The following ACIN1 variants were observed in gnomAD, a reference collection of about 807,000 sequenced individuals.
The protein encoded by ACIN1 is apoptotic chromatin condensation inducer in the nucleus.
A neutral mutation model predicts 146.6 loss-of-function variants in ACIN1; 16 were observed. The observed-to-expected ratio is 0.11, with a 90% CI of 0.07 to 0.17. The LOEUF (loss-of-function observed/expected upper bound fraction) is 0.17. ACIN1 is among the 10% of genes least tolerant of loss of function. ACIN1 has a pLI of 1.00. For synonymous variants in ACIN1, 569 were observed against 582.7 expected (o/e 0.98, Z 0.34); for missense variants, 1,357 against 1,609.3 (o/e 0.84, Z 2.68).
rs568105371 is a variant in ACIN1, at chr14:23,085,191, C to T, written c.437-3355G>A. Among the ~76,000 whole-genome samples, 12 of 151,906 alleles carry T rather than the reference C, an allele frequency of 7.9e-5. No individual in the cohort carries two copies. In the South Asian group the frequency reaches 8.3e-4, roughly 11 times the overall value. Reference sequence around the variant, plus strand: ...TAAAAATACAAAAAAAAAAATTAGTCGGGTGTGGGGGCGGGTGCCTGCAGT... The same window carrying T: ...TAAAAATACAAAAAAAAAAATTAGTTGGGTGTGGGGGCGGGTGCCTGCAGT... On this transcript the variant is annotated intron_variant, in intron 4 of 18. Coordinates refer to ENST00000605057, the MANE Select transcript of ACIN1 (RefSeq NM_001386863.1).
chr14:23,063,628 T>A (rs1456684154), intron 12 of ACIN1, 51 bp from the exon 13 acceptor site: 2 of 1,608,472 alleles, frequency 1.2e-6, no homozygotes, highest in Admixed American at 3.4e-5. Context: ...CAAACTGGCA[T>A]ATTCTTTTCA....
In ACIN1 at chr14:23,078,286, A is replaced by G. The variant is rs772195507; in HGVS notation, c.2008-20T>C. On this transcript the variant is annotated intron_variant, in intron 7 of 18. Coordinates refer to ENST00000605057, the MANE Select transcript of ACIN1 (RefSeq NM_001386863.1). ...GCTCCCCTGTCAGGAGATAGCAAAA[A>G]CGAACAGAGCAAAACATTTAGATCT... 4 of 1,608,736 alleles carry G rather than the reference A, an allele frequency of 2.5e-6. No individual in the cohort carries two copies. The highest frequency in any genetic ancestry group is 3.4e-6 in the Non-Finnish European group (4 of 1,175,362).
In ACIN1 at chr14:23,080,669, T is replaced by TTCC. The variant is rs3841035; in HGVS notation, c.663_665dup (p.Glu223dup). 222 of 1,613,432 alleles carry TTCC rather than the reference T, an allele frequency of 1.4e-4. No individual in the cohort carries two copies. The highest frequency in any genetic ancestry group is 6.6e-4 in the Middle Eastern group (4 of 6,084). ...CACCTTCCTCTTCTTCATCATCTTC[T>TTCC]TCCTCCTCCTCCTCCTCCTCTTCTT... On this transcript the variant is annotated inframe_insertion, in exon 6 of 19. Transcript: ENST00000605057.
intron 2 of ACIN1, among the ~76,000 whole-genome samples, chr14:23,091,313 C>G (rs2048220021): frequency 6.6e-6 from 1 of 152,014 alleles, no homozygotes; most frequent in African/African-American, 2.4e-5. Flanking sequence ...TTGGTAGTAT[C>G]AAGACTGAAA....
At chr14:23,065,476 C>T (rs936522047) in intron 10 of ACIN1, among the ~76,000 whole-genome samples, 2 of 152,168 alleles carry the variant, frequency 1.3e-5, no homozygotes, top group African/African-American at 4.8e-5. Context: ...ATCCCAGCTA[C>T]TCAGGAGGCG....
intron 8 of ACIN1, among the ~76,000 whole-genome samples, chr14:23,075,626 T>G (rs1256265248): frequency 6.6e-6 from 1 of 151,358 alleles, no homozygotes. Flanking sequence ...TTTTAACACT[T>G]TACTGCTCTG....
At chr14:23,086,736 T>C (rs1369197829) in intron 4 of ACIN1, among the ~76,000 whole-genome samples, 1 of 152,170 alleles carries the variant, frequency 6.6e-6, no homozygotes, top group Non-Finnish European at 1.5e-5. Context: ...CAGCCTCCCA[T>C]AGTGCTAGGA....
chr14:23,079,887 C>G lies in ACIN1; in HGVS notation c.1448G>C (p.Gly483Ala), dbSNP rs1430486136. Reference sequence around the variant, plus strand: ...CTGTTTCAGACATTCTTCAGTGATTCCTTTGGCCAGTGCTAATTCCTCAAT... The same window carrying G: ...CTGTTTCAGACATTCTTCAGTGATTGCTTTGGCCAGTGCTAATTCCTCAAT... ...LKIEELALAK[G>A]ITEECLKQPS... The change falls in exon 6 of 19, where the codon GGA (glycine) becomes GCA (alanine). Residue 483 changes from glycine to alanine, a missense_variant. By Grantham distance (60) the Gly-to-Ala change is moderately conservative (BLOSUM62 0). Coordinates refer to ENST00000605057, the MANE Select transcript of ACIN1 (RefSeq NM_001386863.1). The G allele has an allele frequency of 6.2e-7, 1 of 1,614,180 alleles. No homozygotes were observed. The highest frequency in any genetic ancestry group is 1.7e-5 in the Admixed American group (1 of 60,018).
intron 10 of ACIN1, among the ~76,000 whole-genome samples, chr14:23,065,676 T>A (rs1185460834): frequency 3.9e-5 from 6 of 152,218 alleles, no homozygotes; most frequent in Non-Finnish European, 8.8e-5. Flanking sequence ...TTGTTGAGTA[T>A]TCAGGTATCT....
intron 2 of ACIN1, among the ~76,000 whole-genome samples, chr14:23,091,710 G>A (rs901547834): frequency 1.7e-4 from 26 of 148,678 alleles, no homozygotes; most frequent in African/African-American, 6.2e-4. Context: ...TGCAACCTCC[G>A]CCTCCTGGGT....
At chr14:23,065,019 T>C (rs2047408082) in intron 10 of ACIN1, among the ~76,000 whole-genome samples, 1 of 152,130 alleles carries the variant, frequency 6.6e-6, no homozygotes, top group South Asian at 2.1e-4. Flanking sequence ...AAACTTTTAA[T>C]GGTAGACAGT....
intron 2 of ACIN1, among the ~76,000 whole-genome samples, chr14:23,093,180 T>C (rs1054735635): frequency 3.9e-5 from 6 of 152,246 alleles, no homozygotes; most frequent in South Asian, 2.1e-4. Flanking sequence ...CCTAAATTCA[T>C]GGCAGATAAA....
intron 8 of ACIN1, among the ~76,000 whole-genome samples, chr14:23,072,978 A>G (rs1421200915): frequency 6.6e-6 from 1 of 152,204 alleles, no homozygotes; most frequent in East Asian, 1.9e-4. Flanking sequence ...AGTGTAGTTA[A>G]GTGTTAGCTC....
intron 4 of ACIN1, among the ~76,000 whole-genome samples, chr14:23,082,967 G>C (rs976302293): frequency 7.9e-5 from 12 of 151,424 alleles, no homozygotes; most frequent in African/African-American, 2.7e-4. Context: ...TCGAACTCCT[G>C]GGCTCAAGCA....
At position 23,089,986 on chromosome 14, in the gene ACIN1, C is replaced by T. The variant is rs114987044; in HGVS notation, c.432G>A (p.Ser144=). Residue 144 remains serine, a synonymous_variant, in exon 4 of 19, where the codon TCG becomes TCA. Coordinates refer to ENST00000605057, the MANE Select transcript of ACIN1 (RefSeq NM_001386863.1). The part of the protein sequence containing the change: ...ERPELELSRH[S]PRKSSSISEE... ...AGTGGGGAGGGAGATACGTACTGGG[C>T]GAATGTCTGCTGAGCTCCAGCTCTG... is the stretch of plus-strand genomic sequence containing the variant. The T allele has an allele frequency of 1.4e-5, 23 of 1,610,508 alleles. No homozygotes were observed. Among genetic ancestry groups the T allele is most frequent in the South Asian group, 1.2e-4 (11 of 90,592 alleles).
chr14:23,080,323 G>C lies in ACIN1; in HGVS notation c.1012C>G (p.Arg338Gly), dbSNP rs2140158712. Reference sequence around the variant, plus strand: ...AGCGCTACAAGTGAGGCCTTCTTTCGATCTTCAGTCAGTCGAGGAGGGGAA... The same window carrying C: ...AGCGCTACAAGTGAGGCCTTCTTTCCATCTTCAGTCAGTCGAGGAGGGGAA... ...SPSPPRLTEDRKKASLVALPE... is the reference protein window; with the variant it reads ...SPSPPRLTEDGKKASLVALPE... Residue 338 changes from arginine to glycine, a missense_variant, in exon 6 of 19, where the codon CGA becomes GGA. Transcript: ENST00000605057. 1.2e-6 allele frequency: 2 copies of C among 1,614,150 alleles called. No individual in the cohort carries two copies. The highest frequency in any genetic ancestry group is 1.7e-6 in the Non-Finnish European group (2 of 1,180,028).
chr14:23,080,836 C>A (rs774028273), intron 5 of ACIN1, 27 bp from the exon 6 acceptor site: 1 of 1,563,004 alleles, frequency 6.4e-7, no homozygotes. Context: ...ACAATGGCTC[C>A]AAATGTATTT....
chr14:23,069,648 G>GGGGGGGGGGCC, intron 8 of ACIN1, 31 bp from the exon 9 acceptor site: 2 of 589,372 alleles, frequency 3.4e-6, no homozygotes, highest in Non-Finnish European at 6.4e-6. Flanking sequence ...TGGTGGGGGG[G>GGGGGGGGGGCC]CGGGCAGAAA....
intron 4 of ACIN1, among the ~76,000 whole-genome samples, chr14:23,084,961 G>A (rs2140197648): frequency 6.6e-6 from 1 of 152,174 alleles, no homozygotes; most frequent in South Asian, 2.1e-4. Context: ...GTTAGGCAAA[G>A]TTCCTTCACA....
Sources: gnomAD v4.1 joint callset for allele counts (sites outside exome capture counted in the v4.1 genomes callset) on GRCh38, gnomAD v4.1.1 for gene constraint, MANE v1.5 for transcripts, NCBI Gene and HGNC (gene_info 2026-07-23, HGNC 2026-07-21) for gene names.